GALNTL6: variants seen among roughly 807,000 people sequenced by gnomAD.
The protein encoded by GALNTL6 is polypeptide N-acetylgalactosaminyltransferase like 6.
Under a neutral mutation model 73.7 loss-of-function variants are expected in GALNTL6, and 46 were observed. The observed-to-expected ratio is 0.62, with a 90% CI of 0.49 to 0.80. The LOEUF (loss-of-function observed/expected upper bound fraction) is 0.80. GALNTL6 is among the 30% of genes least tolerant of loss of function. GALNTL6 has a pLI of 0.00. For synonymous variants in GALNTL6, 259 were observed against 263.7 expected, an observed-to-expected ratio of 0.98 and a Z score of 0.17; for missense variants, 604 against 755.0, an observed-to-expected ratio of 0.80 and a Z score of 2.34.
intron 7 of GALNTL6, among the ~76,000 whole-genome samples, chr4:172,821,509 G>C (rs1030223671): frequency 6.6e-6 from 1 of 152,196 alleles, no homozygotes; most frequent in African/African-American, 2.4e-5. Flanking sequence ...AGATTGCCTT[G>C]CTCCCCATAC....
intron 5 of GALNTL6, among the ~76,000 whole-genome samples, chr4:172,550,341 A>G (rs7675865): frequency 0.045 from 6,819 of 152,212 alleles, 483 homozygotes; most frequent in African/African-American, 0.15. Flanking sequence ...TCTTTTAATT[A>G]TAGTCAGTCT....
chr4:172,281,021 T>C (rs1005554930), intron 3 of GALNTL6, among the ~76,000 whole-genome samples: 11 of 149,660 alleles, frequency 7.3e-5, no homozygotes, highest in Non-Finnish European at 1.6e-4. Context: ...AAAAAAAAAT[T>C]AGCCGGGCGT....
chr4:171,869,897 A>T (rs950605455), intron 2 of GALNTL6, among the ~76,000 whole-genome samples: 1 of 152,140 alleles, frequency 6.6e-6, no homozygotes, highest in African/African-American at 2.4e-5. Context: ...AGCCACATGG[A>T]ACTACGAGTC....
At chr4:172,860,897 C>T (rs1209671057) in intron 7 of GALNTL6, among the ~76,000 whole-genome samples, 1 of 152,104 alleles carries the variant, frequency 6.6e-6, no homozygotes, top group East Asian at 1.9e-4. Flanking sequence ...CCTGATAATT[C>T]TGGCTGTTTT....
chr4:172,448,392 A>G (rs2111415823), intron 5 of GALNTL6, among the ~76,000 whole-genome samples: 1 of 152,300 alleles, frequency 6.6e-6, no homozygotes, highest in Non-Finnish European at 1.5e-5. Flanking sequence ...TTTCTTTAGA[A>G]GTTGACCCAG....
intron 2 of GALNTL6, among the ~76,000 whole-genome samples, chr4:171,973,093 C>T (rs1222554662): frequency 6.6e-6 from 1 of 152,152 alleles, no homozygotes; most frequent in African/African-American, 2.4e-5. Flanking sequence ...CCAACATACA[C>T]ACACTTCTAT....
chr4:172,210,679 A>G (rs1736294798), intron 2 of GALNTL6, among the ~76,000 whole-genome samples: 1 of 152,108 alleles, frequency 6.6e-6, no homozygotes, highest in Admixed American at 6.6e-5. Flanking sequence ...TGTCCACTAT[A>G]AAGTTATTCT....
intron 2 of GALNTL6, among the ~76,000 whole-genome samples, chr4:171,915,143 T>A: frequency 6.6e-6 from 1 of 152,300 alleles, no homozygotes; most frequent in South Asian, 2.1e-4. Context: ...TAAAAATGTA[T>A]GTTCATATAT....
At chr4:172,166,576 G>C (rs1291817878) in intron 2 of GALNTL6, among the ~76,000 whole-genome samples, 1 of 152,070 alleles carries the variant, frequency 6.6e-6, no homozygotes, top group Non-Finnish European at 1.5e-5. Flanking sequence ...CTGAAATAAA[G>C]GTCATAGTAA....
At chr4:172,051,326 C>T (rs1381910782) in intron 2 of GALNTL6, among the ~76,000 whole-genome samples, 1 of 152,130 alleles carries the variant, frequency 6.6e-6, no homozygotes, top group African/African-American at 2.4e-5. Flanking sequence ...CTTTGCTGTC[C>T]ACAGATGGCT....
intron 5 of GALNTL6, among the ~76,000 whole-genome samples, chr4:172,705,447 T>TAA (rs36060764): frequency 1.2e-3 from 183 of 148,296 alleles, no homozygotes; most frequent in African/African-American, 3.4e-3. Flanking sequence ...ACAATAAATT[T>TAA]AAAAAAAAAA....
At chr4:172,807,940 A>T (rs1451130883) in intron 5 of GALNTL6, among the ~76,000 whole-genome samples, 1 of 152,150 alleles carries the variant, frequency 6.6e-6, no homozygotes, top group East Asian at 1.9e-4. Flanking sequence ...CTCCTGCCTC[A>T]GTCTCCCAAG....
At chr4:173,002,409 G>A (rs2126479068) in intron 10 of GALNTL6, among the ~76,000 whole-genome samples, 1 of 151,696 alleles carries the variant, frequency 6.6e-6, no homozygotes, top group East Asian at 2.0e-4. Flanking sequence ...AAATAAAAAA[G>A]TAGAAACAGT....
intron 2 of GALNTL6, among the ~76,000 whole-genome samples, chr4:171,954,678 T>C (rs1198243166): frequency 6.6e-6 from 1 of 152,160 alleles, no homozygotes; most frequent in Admixed American, 6.6e-5. Flanking sequence ...TAGAAGTTGA[T>C]ATGGTTTGGA....
At chr4:171,979,592 C>T (rs72993076) in intron 2 of GALNTL6, among the ~76,000 whole-genome samples, 12,466 of 152,204 alleles carry the variant, frequency 0.082, 1,414 homozygotes, top group African/African-American at 0.26. Flanking sequence ...TCCAGGTTTA[C>T]TGCTAGAAAA....
intron 5 of GALNTL6, among the ~76,000 whole-genome samples, chr4:172,540,156 T>C (rs1254441762): frequency 6.6e-6 from 1 of 151,346 alleles, no homozygotes; most frequent in Non-Finnish European, 1.5e-5. Flanking sequence ...GTTCAAGTGA[T>C]TCCCCTGCCT....
intron 2 of GALNTL6, among the ~76,000 whole-genome samples, chr4:172,159,790 C>T (rs879608626): frequency 9.9e-5 from 15 of 151,992 alleles, no homozygotes; most frequent in African/African-American, 3.1e-4. Context: ...ATCATACATG[C>T]GTTGAAATAA....
intron 9 of GALNTL6, among the ~76,000 whole-genome samples, chr4:172,948,586 G>A (rs892805449): frequency 2.0e-5 from 3 of 150,816 alleles, no homozygotes; most frequent in African/African-American, 7.3e-5. Context: ...CCAAGTAGCT[G>A]GGATTACAGG....
In GALNTL6 at chr4:172,271,227, G is replaced by A. The variant is rs530907705; in HGVS notation, c.248-40387G>A. On this transcript the variant is annotated intron_variant, in intron 3 of 12. Coordinates refer to ENST00000506823, the MANE Select transcript of GALNTL6 (RefSeq NM_001034845.3). ...TTGACATATATACGTTGCCTCACCAGAAATTATTCTGATGCTTAAGGGATT... is the reference window on the plus strand; with the variant it reads ...TTGACATATATACGTTGCCTCACCAAAAATTATTCTGATGCTTAAGGGATT... Among the ~76,000 whole-genome samples, 7 of 152,234 alleles carry A rather than the reference G, an allele frequency of 4.6e-5. No individual in the cohort carries two copies. In the South Asian group the frequency reaches 1.5e-3, roughly 32 times the overall value.
Sources: gnomAD v4.1 joint callset for allele counts (sites outside exome capture counted in the v4.1 genomes callset) on GRCh38, gnomAD v4.1.1 for gene constraint, MANE v1.5 for transcripts, NCBI Gene and HGNC (gene_info 2026-07-23, HGNC 2026-07-21) for gene names.